The following PTPRK variants were observed in gnomAD, a reference collection of about 807,000 sequenced individuals.
PTPRK encodes the protein receptor-type tyrosine-protein phosphatase kappa.
PTPRK carries 75 observed loss-of-function variants against 178.0 expected under a neutral mutation model. The observed-to-expected ratio is 0.42, with a 90% CI of 0.35 to 0.51. The LOEUF is 0.51. Ranked by LOEUF, PTPRK falls within the 20% of genes least tolerant of loss-of-function variation. The pLI, the probability that PTPRK is intolerant of heterozygous loss-of-function variation, is 0.02. For missense variants in PTPRK, 1,441 were observed against 1,797.8 expected (o/e 0.80, Z 3.59); for synonymous variants, 637 against 620.6 (o/e 1.03, Z -0.39).
intron 5 of PTPRK, among the ~76,000 whole-genome samples, chr6:128,225,923 T>A (rs1811216614): frequency 6.6e-6 from 1 of 152,066 alleles, no homozygotes; most frequent in Non-Finnish European, 1.5e-5. Context: ...TAAAGCAGGG[T>A]AAAGATGTGC....
intron 4 of PTPRK, 148 bp from the exon 5 acceptor site, chr6:128,240,298 T>C: frequency 1.6e-6 from 1 of 627,426 alleles, no homozygotes; most frequent in Non-Finnish European, 2.8e-6. Context: ...GCTTTTTTTG[T>C]GCCGGAAGAC....
chr6:128,247,999 G>C (rs1000902019), intron 3 of PTPRK, among the ~76,000 whole-genome samples: 1 of 152,066 alleles, frequency 6.6e-6, no homozygotes, highest in African/African-American at 2.4e-5. Flanking sequence ...TCACACATCT[G>C]CCTTCAAAGA....
intron 1 of PTPRK, among the ~76,000 whole-genome samples, chr6:128,477,422 C>T (rs1268550934): frequency 6.6e-6 from 1 of 151,706 alleles, no homozygotes. Context: ...TCAACATTTA[C>T]CACAAAGTTG....
At chr6:127,994,025 T>A (rs1214672409) in intron 18 of PTPRK, among the ~76,000 whole-genome samples, 2 of 151,750 alleles carry the variant, frequency 1.3e-5, no homozygotes, top group Admixed American at 1.3e-4. Flanking sequence ...TTGATTTTTT[T>A]ATTCTAAAAA....
At chr6:128,355,473 A>G (rs1035674535) in intron 2 of PTPRK, among the ~76,000 whole-genome samples, 3 of 152,178 alleles carry the variant, frequency 2.0e-5, no homozygotes, top group African/African-American at 7.2e-5. Context: ...TAGAGGGCCT[A>G]TTGTGTGTAA....
At chr6:128,209,660 C>A (rs1049968763) in intron 6 of PTPRK, among the ~76,000 whole-genome samples, 8 of 152,068 alleles carry the variant, frequency 5.3e-5, no homozygotes, top group African/African-American at 1.7e-4. Context: ...GTATTGGCTA[C>A]AGAGATCCAA....
chr6:128,410,916 G>A (rs943996065), intron 1 of PTPRK, among the ~76,000 whole-genome samples: 6 of 152,072 alleles, frequency 3.9e-5, no homozygotes, highest in Non-Finnish European at 1.5e-5. Context: ...TTTGAGATGG[G>A]GTCTTTGTTC....
At chr6:128,518,776 T>C (rs1180712611) in intron 1 of PTPRK, among the ~76,000 whole-genome samples, 4 of 152,230 alleles carry the variant, frequency 2.6e-5, no homozygotes, top group African/African-American at 7.2e-5. Context: ...ATCAATTATA[T>C]ACAGGGCTTT....
At chr6:128,132,112 GC>G (rs1794336316) in intron 7 of PTPRK, among the ~76,000 whole-genome samples, 1 of 152,122 alleles carries the variant, frequency 6.6e-6, no homozygotes, top group Non-Finnish European at 1.5e-5. Context: ...TGAAATAAAA[GC>G]ACACTAAAAT....
At chr6:128,437,278 T>C (rs1845719501) in intron 1 of PTPRK, among the ~76,000 whole-genome samples, 1 of 152,200 alleles carries the variant, frequency 6.6e-6, no homozygotes, top group African/African-American at 2.4e-5. Flanking sequence ...AAAGTAACAA[T>C]ATTAATAGCC....
chr6:128,347,605 G>A (rs1832588320), intron 2 of PTPRK, among the ~76,000 whole-genome samples: 1 of 152,084 alleles, frequency 6.6e-6, no homozygotes. Context: ...ATGTGAGTAT[G>A]TGTATGAGGG....
chr6:128,206,269 A>G (rs1289034690), intron 6 of PTPRK, among the ~76,000 whole-genome samples: 2 of 151,928 alleles, frequency 1.3e-5, no homozygotes, highest in African/African-American at 4.8e-5. Flanking sequence ...GTCTGGTGAT[A>G]TTTAAAACAA....
At chr6:128,270,125 T>C (rs1048391454) in intron 3 of PTPRK, among the ~76,000 whole-genome samples, 1 of 152,142 alleles carries the variant, frequency 6.6e-6, no homozygotes, top group African/African-American at 2.4e-5. Flanking sequence ...GTAAAGGGGA[T>C]TATACTTTCT....
At chr6:128,416,157 T>G (rs1193462888) in intron 1 of PTPRK, among the ~76,000 whole-genome samples, 1 of 152,132 alleles carries the variant, frequency 6.6e-6, no homozygotes, top group Non-Finnish European at 1.5e-5. Flanking sequence ...ACATGGTTAA[T>G]AAGTACTTAT....
At chr6:128,488,128 A>G (rs1423390473) in intron 1 of PTPRK, among the ~76,000 whole-genome samples, 2 of 152,208 alleles carry the variant, frequency 1.3e-5, no homozygotes, top group African/African-American at 4.8e-5. Flanking sequence ...CACAGATCTG[A>G]GAGCCCCTGG....
chr6:128,066,277 A>G (rs1457662621), intron 12 of PTPRK, among the ~76,000 whole-genome samples: 9 of 152,184 alleles, frequency 5.9e-5, no homozygotes, highest in Non-Finnish European at 1.2e-4. Flanking sequence ...CTACTCTCTA[A>G]AGACCTCAGT....
chr6:128,184,169 T>C (rs1240113912), intron 7 of PTPRK, among the ~76,000 whole-genome samples: 2 of 152,134 alleles, frequency 1.3e-5, no homozygotes, highest in Non-Finnish European at 2.9e-5. Flanking sequence ...ACTGAATATG[T>C]AGCAGGCTCA....
intron 3 of PTPRK, among the ~76,000 whole-genome samples, chr6:128,310,826 T>C (rs907617284): frequency 1.3e-5 from 2 of 152,166 alleles, no homozygotes; most frequent in Non-Finnish European, 2.9e-5. Flanking sequence ...TGCCCTTCTA[T>C]GGCACAATGA....
At chr6:128,293,263 A>C (rs1823711128) in intron 3 of PTPRK, among the ~76,000 whole-genome samples, 1 of 152,052 alleles carries the variant, frequency 6.6e-6, no homozygotes, top group Admixed American at 6.6e-5. Context: ...CGAAGTCCAA[A>C]ATCAAGGCAC....
Sources: allele counts gnomAD v4.1 joint callset (sites outside exome capture counted in the v4.1 genomes callset), GRCh38; gene constraint gnomAD v4.1.1; transcripts MANE v1.5; gene names NCBI Gene and HGNC (gene_info 2026-07-23, HGNC 2026-07-21).